The following MCTP1 variants were observed in gnomAD, a reference collection of about 807,000 sequenced individuals.
The protein encoded by MCTP1 is multiple C2 and transmembrane domain-containing protein 1.
Under a neutral mutation model 120.6 loss-of-function variants are expected in MCTP1, and 69 were observed. That is an observed-to-expected ratio of 0.57 (90% confidence interval 0.47 to 0.70). The LOEUF is 0.70. Among genes scored for constraint, MCTP1 ranks in the 30% least tolerant of loss-of-function variants. The probability of loss-of-function intolerance (pLI) is 0.00; values close to 1 mark genes in which losing one functional copy is unlikely to be tolerated. For missense variants in MCTP1, 1,203 were observed against 1,248.8 expected, an observed-to-expected ratio of 0.96 and a Z score of 0.55; for synonymous variants, 529 against 493.1, an observed-to-expected ratio of 1.07 and a Z score of -0.96.
At chr5:94,745,021 C>A (rs2152769932) in intron 19 of MCTP1, among the ~76,000 whole-genome samples, 1 of 152,256 alleles carries the variant, frequency 6.6e-6, no homozygotes, top group Non-Finnish European at 1.5e-5. Context: ...ATGGTTGAAA[C>A]AACAAGAGAA....
intron 1 of MCTP1, among the ~76,000 whole-genome samples, chr5:95,243,368 G>C (rs1331829790): frequency 6.6e-6 from 1 of 152,172 alleles, no homozygotes; most frequent in Non-Finnish European, 1.5e-5. Flanking sequence ...GACTTAAAGA[G>C]GAGAAAGAGG....
At chr5:95,279,182 CAT>C (rs1284217594) in intron 1 of MCTP1, among the ~76,000 whole-genome samples, 1 of 152,098 alleles carries the variant, frequency 6.6e-6, no homozygotes, top group Admixed American at 6.5e-5. Flanking sequence ...AATCATATTA[CAT>C]GTTTCCTTTA....
intron 19 of MCTP1, among the ~76,000 whole-genome samples, chr5:94,776,351 G>GA (rs994031128): frequency 6.6e-6 from 1 of 152,098 alleles, no homozygotes; most frequent in African/African-American, 2.4e-5. Context: ...TCTGCTAAGT[G>GA]AAAACATATG....
chr5:95,071,578 T>C (rs553095797), intron 1 of MCTP1, among the ~76,000 whole-genome samples: 2 of 152,326 alleles, frequency 1.3e-5, no homozygotes, highest in Admixed American at 1.3e-4. Flanking sequence ...ATATTCATGA[T>C]GATTTGTTAA....
chr5:95,073,879 G>A (rs1220819126), intron 1 of MCTP1, among the ~76,000 whole-genome samples: 2 of 152,096 alleles, frequency 1.3e-5, no homozygotes, highest in Admixed American at 6.5e-5. Context: ...TTGGGAGGCC[G>A]AGGCGGGTGA....
rs115111977 is a variant in MCTP1, at chr5:95,055,800, T to C, written c.721-38316A>G. ...TTCCTCACCTGTAAAGTAGGATCAA[T>C]AATATCTACTGGGCAGGGTTTTGGA... On this transcript the variant is annotated intron_variant, in intron 1 of 22. Transcript: ENST00000515393. Among the ~76,000 whole-genome samples, 892 of 152,282 alleles carry C rather than the reference T, an allele frequency of 5.9e-3. 2 individuals are homozygous for C. Among genetic ancestry groups the C allele is most frequent in the Non-Finnish European group, 0.01 (697 of 68,018 alleles).
At chr5:95,138,486 C>T (rs1259376654) in intron 1 of MCTP1, among the ~76,000 whole-genome samples, 1 of 152,198 alleles carries the variant, frequency 6.6e-6, no homozygotes, top group Non-Finnish European at 1.5e-5. Flanking sequence ...CACAAAGAAT[C>T]ATCTGTTCTT....
chr5:94,831,168 T>C (rs1295050238), intron 17 of MCTP1, among the ~76,000 whole-genome samples: 2 of 152,170 alleles, frequency 1.3e-5, no homozygotes, highest in South Asian at 4.1e-4. Context: ...GCATTGCCAA[T>C]AGATTGGAGA....
chr5:95,216,518 A>C (rs148190528), intron 1 of MCTP1, among the ~76,000 whole-genome samples: 83 of 152,234 alleles, frequency 5.5e-4, no homozygotes, highest in African/African-American at 1.7e-3. Context: ...CCAAGCTCCC[A>C]AGCCTGAAAG....
chr5:95,092,234 G>C (rs1243830800), intron 1 of MCTP1, among the ~76,000 whole-genome samples: 1 of 152,072 alleles, frequency 6.6e-6, no homozygotes, highest in Non-Finnish European at 1.5e-5. Flanking sequence ...AAAGAGATGA[G>C]CTAAAGAAAA....
At chr5:94,953,386 T>C (rs757938217) in intron 2 of MCTP1, 25 bp from the exon 3 acceptor site, 12 of 1,535,344 alleles carry the variant, frequency 7.8e-6, no homozygotes, top group African/African-American at 5.6e-5. Flanking sequence ...GATTGATCCA[T>C]GTTAATCATG....
At chr5:95,119,417 A>G (rs1758045070) in intron 1 of MCTP1, among the ~76,000 whole-genome samples, 1 of 152,192 alleles carries the variant, frequency 6.6e-6, no homozygotes, top group African/African-American at 2.4e-5. Context: ...ACGTGCCTAC[A>G]TCAAAAAATA....
chr5:95,158,565 C>T (rs980606011), intron 1 of MCTP1, among the ~76,000 whole-genome samples: 2 of 152,280 alleles, frequency 1.3e-5, no homozygotes, highest in South Asian at 2.1e-4. Context: ...CTATTCCCAA[C>T]ATTTTCCAAA....
chr5:94,849,821 C>G (rs1793275065), intron 17 of MCTP1, among the ~76,000 whole-genome samples: 1 of 151,926 alleles, frequency 6.6e-6, no homozygotes, highest in Non-Finnish European at 1.5e-5. Flanking sequence ...TCAATAATTC[C>G]AAAAAACTGC....
intron 2 of MCTP1, among the ~76,000 whole-genome samples, chr5:94,994,931 C>T (rs1832317418): frequency 6.6e-6 from 1 of 152,198 alleles, no homozygotes; most frequent in Non-Finnish European, 1.5e-5. Context: ...ACTCTTGGAT[C>T]TACACCAGTG....
At chr5:94,742,774 T>A (rs1232166278) in intron 19 of MCTP1, among the ~76,000 whole-genome samples, 1 of 152,218 alleles carries the variant, frequency 6.6e-6, no homozygotes, top group Admixed American at 6.5e-5. Context: ...AAGTAAAGTC[T>A]ATGTTCCTTC....
intron 1 of MCTP1, among the ~76,000 whole-genome samples, chr5:95,149,348 G>A (rs1019471854): frequency 6.6e-6 from 1 of 152,128 alleles, no homozygotes; most frequent in Admixed American, 6.5e-5. Context: ...TCTACTGCTT[G>A]GGTACCATCC....
At chr5:95,117,564 G>A (rs1025985559) in intron 1 of MCTP1, among the ~76,000 whole-genome samples, 1 of 152,122 alleles carries the variant, frequency 6.6e-6, no homozygotes, top group Non-Finnish European at 1.5e-5. Context: ...CACTGTTGGT[G>A]GGAATGTAAA....
intron 2 of MCTP1, among the ~76,000 whole-genome samples, chr5:95,009,757 T>G (rs1358868340): frequency 6.6e-6 from 1 of 152,184 alleles, no homozygotes; most frequent in African/African-American, 2.4e-5. Flanking sequence ...TTTGAACTTA[T>G]GTGTGTCAGA....
Sources: gnomAD v4.1 joint callset for allele counts (sites outside exome capture counted in the v4.1 genomes callset) on GRCh38, gnomAD v4.1.1 for gene constraint, MANE v1.5 for transcripts, NCBI Gene and HGNC (gene_info 2026-07-23, HGNC 2026-07-21) for gene names.